Variants in IL23R observed in about 807,000 individuals in gnomAD.
The protein encoded by IL23R is interleukin 23 receptor.
In IL23R, 34 loss-of-function variants were observed where a neutral mutation model predicts 56.9. The observed-to-expected ratio is 0.60, with a 90% CI of 0.45 to 0.80. The LOEUF (loss-of-function observed/expected upper bound fraction) is 0.80, where lower values mean the gene tolerates loss of function less well. Ranked by LOEUF, IL23R falls within the 30% of genes least tolerant of loss-of-function variation. The probability of loss-of-function intolerance (pLI) is 0.00; values close to 1 mark genes in which losing one functional copy is unlikely to be tolerated. For synonymous variants in IL23R, 230 were observed against 249.2 expected (o/e 0.92, Z 0.73); for missense variants, 635 against 730.0 (o/e 0.87, Z 1.50).
chr1:67,202,139 C>T (rs1648683878), intron 5 of IL23R, among the ~76,000 whole-genome samples: 1 of 152,182 alleles, frequency 6.6e-6, no homozygotes, highest in Admixed American at 6.5e-5. Flanking sequence ...CCAATGATTC[C>T]TGTTGTTATA....
chr1:67,157,463 A>G (rs1290193228), intron 1 of IL23R, among the ~76,000 whole-genome samples: 1 of 151,690 alleles, frequency 6.6e-6, no homozygotes, highest in Non-Finnish European at 1.5e-5. Flanking sequence ...CATCTCAACC[A>G]TCAAAAGAGC....
At chr1:67,167,683 C>T (rs11465767) in intron 1 of IL23R, among the ~76,000 whole-genome samples, 3,158 of 152,094 alleles carry the variant, frequency 0.021, 99 homozygotes, top group African/African-American at 0.072. Context: ...ATGATAATGC[C>T]GCTGCACTCC....
At chr1:67,245,350 A>G (rs1652146856) in intron 9 of IL23R, among the ~76,000 whole-genome samples, 1 of 152,192 alleles carries the variant, frequency 6.6e-6, no homozygotes, top group Non-Finnish European at 1.5e-5. Context: ...ACTATGTTGA[A>G]TAGGAGTGCG....
At position 67,228,100 on chromosome 1, in the gene IL23R, TTCTTTCTC is replaced by T. The variant is rs1454317231; in HGVS notation, c.955+8374_955+8381del. Among the ~76,000 whole-genome samples the T allele has an allele frequency of 1.9e-4, 11 of 57,628 alleles. 3 individuals are homozygous for T. Among genetic ancestry groups the T allele is most frequent in the South Asian group, 1.5e-3 (4 of 2,664 alleles). 37.8% of individuals were successfully genotyped at this position (57,628 alleles called of 152,430 possible). On this transcript the variant is annotated intron_variant, in intron 7 of 10. Transcript: ENST00000347310. The stretch of plus-strand genomic sequence containing the variant: ...TTCTTTCTTTTCTTTCTTTCTTTCT[TTCTTTCTC>T]TCTCTTTCTTTCTTTCTTTCCTTCT...
downstream of IL23R, among the ~76,000 whole-genome samples, chr1:67,263,112 CTT>C (rs66482004): frequency 3.9e-4 from 39 of 98,862 alleles, no homozygotes; most frequent in African/African-American, 1.3e-3. Flanking sequence ...AATTTCTTTC[CTT>C]TTTTTTTTTT....
chr1:67,208,148 C>T (rs790629), intron 6 of IL23R, among the ~76,000 whole-genome samples: 2,135 of 152,224 alleles, frequency 0.014, 42 homozygotes, highest in African/African-American at 0.04. Context: ...GAAATTTCTA[C>T]GCAGCAAAGC....
chr1:67,141,976 C>T (rs1646642530), intron 1 of IL23R, among the ~76,000 whole-genome samples: 1 of 152,096 alleles, frequency 6.6e-6, no homozygotes, highest in South Asian at 2.1e-4. Context: ...TACATTATTT[C>T]TTACTTTTTA....
chr1:67,167,098 T>G (rs1289433901), intron 1 of IL23R, among the ~76,000 whole-genome samples: 1 of 152,176 alleles, frequency 6.6e-6, no homozygotes, highest in African/African-American at 2.4e-5. Flanking sequence ...GAAAGGCTTT[T>G]TCCTCTTTTT....
intron 3 of IL23R, among the ~76,000 whole-genome samples, chr1:67,174,058 T>C (rs1646978740): frequency 6.6e-6 from 1 of 152,192 alleles, no homozygotes; most frequent in Admixed American, 6.5e-5. Flanking sequence ...TTTAACCTTA[T>C]TTTGGAAAAT....
intron 1 of IL23R, among the ~76,000 whole-genome samples, chr1:67,150,652 T>TGAA (rs747717238): frequency 1.0e-5 from 1 of 95,886 alleles, no homozygotes; most frequent in Non-Finnish European, 2.1e-5. Flanking sequence ...GAACTTAAAG[T>TGAA]AAAAAAAAAA....
Position 67,232,963 on chromosome 1 carries a change from G to A in IL23R, c.956-3750G>A, listed in dbSNP as rs528866323. Among the ~76,000 whole-genome samples, 4 of 152,096 alleles carry A rather than the reference G, an allele frequency of 2.6e-5. No homozygotes were observed. The South Asian group carries it at 8.3e-4, about 32-fold the overall frequency. On this transcript the variant is annotated intron_variant, in intron 7 of 10. Coordinates refer to ENST00000347310, the MANE Select transcript of IL23R (RefSeq NM_144701.3). ...TCTGGCCTGTTGTCATGTAAGACAT[G>A]CCTGTTTCCCCGATCACCATGATTA...
At chr1:67,147,116 C>T (rs1028271068) in intron 1 of IL23R, among the ~76,000 whole-genome samples, 3 of 151,952 alleles carry the variant, frequency 2.0e-5, no homozygotes, top group African/African-American at 7.3e-5. Flanking sequence ...TCCTGGGCTT[C>T]CATGGGGCAA....
chr1:67,265,563 TTAACC>T, the IL23R span, among the ~76,000 whole-genome samples: 3 of 152,230 alleles, frequency 2.0e-5, no homozygotes, highest in African/African-American at 7.2e-5. Context: ...CAATAATATA[TTAACC>T]TAATCTATTA....
intron 4 of IL23R, among the ~76,000 whole-genome samples, chr1:67,194,590 G>A (rs1019603020): frequency 6.6e-6 from 1 of 152,194 alleles, no homozygotes; most frequent in Non-Finnish European, 1.5e-5. Context: ...ATATGGGGTA[G>A]ACTTTAAAAG....
At chr1:67,187,678 T>C (rs1323857944) in intron 4 of IL23R, among the ~76,000 whole-genome samples, 1 of 152,194 alleles carries the variant, frequency 6.6e-6, no homozygotes, top group Non-Finnish European at 1.5e-5. Context: ...TTCAGAAATA[T>C]TCATTGGGAA....
At chr1:67,154,946 T>C (rs888361433) in intron 1 of IL23R, among the ~76,000 whole-genome samples, 3 of 152,228 alleles carry the variant, frequency 2.0e-5, no homozygotes, top group African/African-American at 7.2e-5. Flanking sequence ...TCTTTCCATA[T>C]TCAGTGCTTC....
chr1:67,143,900 A>G (rs962487581), intron 1 of IL23R, among the ~76,000 whole-genome samples: 54 of 152,164 alleles, frequency 3.5e-4, no homozygotes, highest in Non-Finnish European at 1.2e-4. Context: ...ATAAAATGCA[A>G]TTTCATAAGT....
chr1:67,161,197 T>C (rs553604267), intron 1 of IL23R, among the ~76,000 whole-genome samples: 1 of 152,332 alleles, frequency 6.6e-6, no homozygotes, highest in East Asian at 1.9e-4. Context: ...CCACTCATAG[T>C]TGAATTTGCC....
At chr1:67,245,773 T>C (rs540455460) in intron 9 of IL23R, among the ~76,000 whole-genome samples, 134 of 152,322 alleles carry the variant, frequency 8.8e-4, no homozygotes, top group African/African-American at 3.2e-3. Flanking sequence ...AAATTTTCTT[T>C]TTTTTGTTGT....
Sources: allele counts gnomAD v4.1 joint callset (sites outside exome capture counted in the v4.1 genomes callset), GRCh38; gene constraint gnomAD v4.1.1; transcripts MANE v1.5; gene names NCBI Gene and HGNC (gene_info 2026-07-23, HGNC 2026-07-21).